NUMB: variants seen among roughly 807,000 people sequenced by gnomAD.
NUMB encodes protein numb homolog.
In NUMB, 29 loss-of-function variants were observed where a neutral mutation model predicts 59.7. The ratio of observed to expected loss-of-function variants is 0.49; its 90% CI spans 0.36 to 0.66. The LOEUF (loss-of-function observed/expected upper bound fraction) is 0.66, where lower values mean the gene tolerates loss of function less well. Among genes scored for constraint, NUMB ranks in the 30% least tolerant of loss-of-function variants. The probability of loss-of-function intolerance (pLI) is 0.00; values close to 1 mark genes in which losing one functional copy is unlikely to be tolerated. For synonymous variants in NUMB, 288 were observed against 288.2 expected (o/e 1.00, Z 0.01); for missense variants, 723 against 822.0 (o/e 0.88, Z 1.47).
At chr14:73,419,807 G>A (rs1897284141) in intron 1 of NUMB, among the ~76,000 whole-genome samples, 1 of 152,140 alleles carries the variant, frequency 6.6e-6, no homozygotes, top group Non-Finnish European at 1.5e-5. Context: ...CACACGTACA[G>A]AATTCACTCC....
intron 2 of NUMB, among the ~76,000 whole-genome samples, chr14:73,407,039 C>T (rs1213657274): frequency 6.6e-6 from 1 of 152,050 alleles, no homozygotes; most frequent in Admixed American, 6.6e-5. Flanking sequence ...GACGGGGTTT[C>T]ACTATTTTGG....
At chr14:73,417,978 G>A (rs1180685088) in intron 1 of NUMB, among the ~76,000 whole-genome samples, 10 of 152,040 alleles carry the variant, frequency 6.6e-5, no homozygotes, top group East Asian at 1.9e-4. Flanking sequence ...GGTGGCATGC[G>A]CCTGTAATCC....
intron 1 of NUMB, among the ~76,000 whole-genome samples, chr14:73,441,041 C>T (rs1036922748): frequency 4.0e-5 from 6 of 151,542 alleles, no homozygotes; most frequent in African/African-American, 1.5e-4. Flanking sequence ...GGAGAAAATA[C>T]TTGTAAATCA....
rs192753853 is a variant in NUMB at position 73,433,077 on chromosome 14, C to T, written c.-232-23009G>A. On this transcript the variant is annotated intron_variant, in intron 1 of 12. Transcript: ENST00000555238. ...AAAAAATTAGCAGGGCATGATGGCA[C>T]ACGCCTGTAGTCCCAGCTACTCGGG... 5.9e-5 allele frequency among the ~76,000 whole-genome samples: 9 copies of T among 151,936 alleles called. No individual in the cohort carries two copies. In the East Asian group the frequency reaches 1.7e-3, roughly 29 times the overall value.
At chr14:73,286,412 T>C (rs1889007983) in intron 9 of NUMB, 1 of 152,224 alleles carries the variant, frequency 6.6e-6, no homozygotes, top group South Asian at 2.1e-4. Context: ...CCTACTTATA[T>C]ACAAGAATTC....
chr14:73,403,982 A>G (rs1566782243), intron 2 of NUMB, among the ~76,000 whole-genome samples: 1 of 151,602 alleles, frequency 6.6e-6, no homozygotes, highest in East Asian at 1.9e-4. Context: ...AGTCCCAGCT[A>G]CTCAGGAGAC....
chr14:73,384,440 C>T (rs1395418365), intron 2 of NUMB, among the ~76,000 whole-genome samples: 1 of 151,928 alleles, frequency 6.6e-6, no homozygotes, highest in African/African-American at 2.4e-5. Flanking sequence ...CACTCATTAC[C>T]AATAGACTTA....
At chr14:73,377,307 T>G (rs1456233867) in intron 2 of NUMB, among the ~76,000 whole-genome samples, 2 of 152,178 alleles carry the variant, frequency 1.3e-5, no homozygotes, top group African/African-American at 4.8e-5. Context: ...GGCAACAGAC[T>G]GGGAGAAAGT....
chr14:73,318,339 GAAT>G (rs1891196319), intron 5 of NUMB, among the ~76,000 whole-genome samples: 1 of 152,108 alleles, frequency 6.6e-6, no homozygotes, highest in Non-Finnish European at 1.5e-5. Context: ...AGTTATTAAA[GAAT>G]AATAATGTTC....
intron 1 of NUMB, among the ~76,000 whole-genome samples, chr14:73,414,456 T>G (rs957493703): frequency 1.3e-5 from 2 of 152,152 alleles, no homozygotes; most frequent in Non-Finnish European, 2.9e-5. Context: ...TGCAGTGGTG[T>G]GATCATGGCT....
chr14:73,348,795 T>G (rs1222284357), intron 4 of NUMB, among the ~76,000 whole-genome samples: 1 of 152,172 alleles, frequency 6.6e-6, no homozygotes, highest in African/African-American at 2.4e-5. Context: ...CTGAAAGATA[T>G]CAAAACTTAT....
At position 73,370,968 on chromosome 14, in the gene NUMB, C is replaced by T. The variant is rs867182368; in HGVS notation, c.-100-3987G>A. 4.6e-5 allele frequency among the ~76,000 whole-genome samples: 7 copies of T among 152,170 alleles called. No homozygotes were observed. The South Asian group carries it at 6.2e-4, about 14-fold the overall frequency. ...TGATTTGCTTTATCATTCTCTTTCT[C>T]GTTCATTTTTTCTTGAGATGGGGTC... On this transcript the variant is annotated intron_variant, in intron 2 of 12. Transcript: ENST00000555238.
chr14:73,291,453 A>C (rs1889397730), intron 8 of NUMB, among the ~76,000 whole-genome samples: 1 of 151,822 alleles, frequency 6.6e-6, no homozygotes, highest in Non-Finnish European at 1.5e-5. Flanking sequence ...ATCTTGGCTC[A>C]CTGCAACCTC....
At chr14:73,281,025 G>C (rs977652860) in intron 11 of NUMB, among the ~76,000 whole-genome samples, 1 of 152,056 alleles carries the variant, frequency 6.6e-6, no homozygotes, top group African/African-American at 2.4e-5. Context: ...TTGTCTAAAA[G>C]ACTGCCTTTG....
intron 4 of NUMB, among the ~76,000 whole-genome samples, chr14:73,335,774 A>T (rs1892276511): frequency 6.6e-6 from 1 of 152,234 alleles, no homozygotes; most frequent in Non-Finnish European, 1.5e-5. Context: ...GCAGTTCCCA[A>T]CATTAACAAA....
intron 2 of NUMB, among the ~76,000 whole-genome samples, chr14:73,375,322 T>G (rs1371041548): frequency 6.6e-6 from 1 of 152,192 alleles, no homozygotes; most frequent in East Asian, 1.9e-4. Flanking sequence ...TTATTACTTC[T>G]TTTATATTTT....
chr14:73,416,849 C>A (rs190265087), intron 1 of NUMB, among the ~76,000 whole-genome samples: 7 of 151,860 alleles, frequency 4.6e-5, no homozygotes. Flanking sequence ...AAAGGCCGGC[C>A]CTAAATGGGA....
chr14:73,425,957 T>C (rs1275769879), intron 1 of NUMB, among the ~76,000 whole-genome samples: 1 of 151,944 alleles, frequency 6.6e-6, no homozygotes, highest in East Asian at 1.9e-4. Context: ...TACAGGTACG[T>C]GCCACCAAGC....
At chr14:73,372,337 A>C (rs1373784306) in intron 2 of NUMB, among the ~76,000 whole-genome samples, 1 of 77,752 alleles carries the variant, frequency 1.3e-5, no homozygotes, top group Admixed American at 1.7e-4. Context: ...ATATATATAT[A>C]ACCTTTTATA....
Sources: gnomAD v4.1 joint callset for allele counts (sites outside exome capture counted in the v4.1 genomes callset) on GRCh38, gnomAD v4.1.1 for gene constraint, MANE v1.5 for transcripts, NCBI Gene and HGNC (gene_info 2026-07-23, HGNC 2026-07-21) for gene names.